BCAS3: variants seen among roughly 807,000 people sequenced by gnomAD.
The protein encoded by BCAS3 is BCAS3 microtubule associated cell migration factor.
In BCAS3, 53 loss-of-function variants were observed where a neutral mutation model predicts 116.1. The ratio of observed to expected loss-of-function variants is 0.46; its 90% confidence interval spans 0.37 to 0.57. BCAS3 has a LOEUF of 0.57. Among genes scored for constraint, BCAS3 ranks in the 20% least tolerant of loss-of-function variants. The pLI is 0.00. For missense variants in BCAS3, 917 were observed against 1,165.4 expected (o/e 0.79, Z 3.10); for synonymous variants, 391 against 408.2 (o/e 0.96, Z 0.51).
At chr17:60,821,146 C>G (rs997948339) in intron 7 of BCAS3, among the ~76,000 whole-genome samples, 1 of 152,032 alleles carries the variant, frequency 6.6e-6, no homozygotes, top group Non-Finnish European at 1.5e-5. Context: ...GGGGTTTCAC[C>G]ATGTTGGCCA....
rs559947464 is a variant in BCAS3 at position 61,385,666 on chromosome 17, G to A, written c.2594-6311G>A. Among the ~76,000 whole-genome samples the A allele has an allele frequency of 1.4e-3, 213 of 152,226 alleles. 1 individual carries two copies. The highest frequency in any genetic ancestry group is 2.3e-3 in the Non-Finnish European group (154 of 68,038). ...GCAGCTCGGCTGGCTGCTGTGTGCC[G>A]CGAAGCCATCCGCTCCCCTGGGCCA... On this transcript the variant is annotated intron_variant, in intron 23 of 23. Transcript: ENST00000407086.
At chr17:61,247,456 G>C (rs1161836025) in intron 22 of BCAS3, among the ~76,000 whole-genome samples, 3 of 152,040 alleles carry the variant, frequency 2.0e-5, no homozygotes, top group African/African-American at 7.2e-5. Flanking sequence ...TGGATTCATT[G>C]GGCTTCTGAA....
intron 22 of BCAS3, among the ~76,000 whole-genome samples, chr17:61,246,294 A>C (rs916611323): frequency 4.6e-5 from 7 of 151,896 alleles, no homozygotes; most frequent in African/African-American, 1.7e-4. Flanking sequence ...CAGCCTGGGC[A>C]ACATGACGAA....
In BCAS3 at chr17:60,964,596, A is replaced by C. The variant is rs1467958542; in HGVS notation, c.1221+17244A>C. ...GTCCTCCTCTTCAATTTTTTTGAAG[A>C]GTTTGAGTACAATTGGTATTAATTC... is the stretch of plus-strand genomic sequence containing the variant. On this transcript the variant is annotated intron_variant, in intron 14 of 23. Coordinates refer to ENST00000407086, the MANE Select transcript of BCAS3 (RefSeq NM_017679.5). The surrounding 1 kb of genome is among the most constrained non-coding windows in gnomAD (Gnocchi z 4.6). 6.6e-6 allele frequency among the ~76,000 whole-genome samples: 1 copy of C among 152,132 alleles called. No individual in the cohort carries two copies. Among genetic ancestry groups the C allele is most frequent in the Non-Finnish European group, 1.5e-5 (1 of 68,012 alleles).
At chr17:60,799,736 A>G (rs1378804258) in intron 6 of BCAS3, among the ~76,000 whole-genome samples, 31 of 23,306 alleles carry the variant, frequency 1.3e-3, no homozygotes, top group African/African-American at 8.9e-3. Context: ...TTTTTTTTTT[A>G]GTAGAACTGG....
chr17:60,817,712 T>C (rs985380401), intron 7 of BCAS3, among the ~76,000 whole-genome samples: 2 of 152,220 alleles, frequency 1.3e-5, no homozygotes, highest in Admixed American at 1.3e-4. Flanking sequence ...TATCGCTCGT[T>C]ATATAGGCTT....
intron 6 of BCAS3, among the ~76,000 whole-genome samples, chr17:60,792,790 A>T (rs557448208): frequency 1.3e-5 from 2 of 152,172 alleles, no homozygotes; most frequent in Non-Finnish European, 2.9e-5. Context: ...CAGATGCTCA[A>T]TATTGAACTT....
intron 22 of BCAS3, among the ~76,000 whole-genome samples, chr17:61,273,918 T>TC (rs1190641862): frequency 6.8e-6 from 1 of 147,442 alleles, no homozygotes; most frequent in African/African-American, 2.6e-5. Context: ...TCATTCTTTT[T>TC]TTTTTCCCCC....
intron 7 of BCAS3, among the ~76,000 whole-genome samples, chr17:60,845,067 TA>T (rs1377170817): frequency 1.3e-5 from 2 of 152,042 alleles, no homozygotes; most frequent in East Asian, 3.9e-4. Context: ...CCTTCTCTAC[TA>T]AAAATACAAA....
In BCAS3 at chr17:61,364,159, A is replaced by G. The variant is rs140643581; in HGVS notation, c.2426-4168A>G. 1.3e-5 allele frequency among the ~76,000 whole-genome samples: 2 copies of G among 152,338 alleles called. No individual in the cohort carries two copies. The highest frequency in any genetic ancestry group is 2.4e-5 in the African/African-American group (1 of 41,578). On this transcript the variant is annotated intron_variant, in intron 22 of 23. Transcript: ENST00000407086. This position sits in a 1 kb window ranked among gnomAD's most constrained non-coding sequence, Gnocchi z 5.4. The stretch of plus-strand genomic sequence containing the variant: ...ACGTCTCAGGACGGTAGAAATGATC[A>G]GGTGCTTCTTTGCTGAACACTTCTG...
At position 61,343,777 on chromosome 17, in the gene BCAS3, A is replaced by G. The variant is rs968420423; in HGVS notation, c.2426-24550A>G. On this transcript the variant is annotated intron_variant, in intron 22 of 23. Transcript: ENST00000407086. This position sits in a 1 kb window ranked among gnomAD's most constrained non-coding sequence, Gnocchi z 5.5. ...TCAAAAGCAGCTTAATTCCTCTAAA[A>G]ACAGTGCCCGTTGGGCATTTTGCCT... Among the ~76,000 whole-genome samples the G allele has an allele frequency of 1.3e-5, 2 of 152,208 alleles. No homozygotes were observed. The highest frequency in any genetic ancestry group is 4.8e-5 in the African/African-American group (2 of 41,464).
intron 9 of BCAS3, among the ~76,000 whole-genome samples, chr17:60,887,694 G>T (rs1410572122): frequency 6.6e-6 from 1 of 152,034 alleles, no homozygotes; most frequent in South Asian, 2.1e-4. Flanking sequence ...TAAAAAAAGG[G>T]CTCAGACTTT....
chr17:61,168,595 G>A (rs117497461), intron 22 of BCAS3, among the ~76,000 whole-genome samples: 12 of 152,248 alleles, frequency 7.9e-5, no homozygotes, highest in Non-Finnish European at 1.6e-4. Context: ...AGGCTTAATG[G>A]TAGATCAAAA....
chr17:61,163,900 C>T (rs540807980), intron 22 of BCAS3, among the ~76,000 whole-genome samples: 148 of 150,576 alleles, frequency 9.8e-4, no homozygotes, highest in African/African-American at 3.2e-3. Flanking sequence ...CCAGGAGAAT[C>T]GCTTGTTTCT....
chr17:60,888,534 T>C (rs2056901988), intron 9 of BCAS3, among the ~76,000 whole-genome samples: 1 of 152,184 alleles, frequency 6.6e-6, no homozygotes, highest in South Asian at 2.1e-4. Flanking sequence ...AAGATTAATC[T>C]ATTCAATGGT....
intron 22 of BCAS3, among the ~76,000 whole-genome samples, chr17:61,252,389 C>G (rs149341946): frequency 2.6e-4 from 40 of 152,162 alleles, no homozygotes; most frequent in African/African-American, 7.7e-4. Flanking sequence ...CTTGTTCAGC[C>G]CCCCCAGTTC....
intron 6 of BCAS3, among the ~76,000 whole-genome samples, chr17:60,802,008 T>C (rs2047828853): frequency 6.6e-6 from 1 of 152,074 alleles, no homozygotes; most frequent in African/African-American, 2.4e-5. Flanking sequence ...TAAATTTGCC[T>C]CTGATTCTTG....
In BCAS3 at chr17:61,265,825, T is replaced by G. The variant is rs988746232; in HGVS notation, c.2426-102502T>G. On this transcript the variant is annotated intron_variant, in intron 22 of 23. Transcript: ENST00000407086. This position sits in a 1 kb window ranked among gnomAD's most constrained non-coding sequence, Gnocchi z 4.3. The stretch of plus-strand genomic sequence containing the variant: ...AAAAAAAAAATCTTTGACTCCACCA[T>G]TTTTATAATAAACACTTGCAAACTC... Among the ~76,000 whole-genome samples the G allele has an allele frequency of 1.3e-5, 2 of 152,210 alleles. No individual in the cohort carries two copies. The highest frequency in any genetic ancestry group is 2.9e-5 in the Non-Finnish European group (2 of 68,048).
intron 23 of BCAS3, among the ~76,000 whole-genome samples, chr17:61,373,808 G>GTT (rs1169897447): frequency 8.9e-5 from 9 of 101,236 alleles, no homozygotes; most frequent in African/African-American, 2.7e-4. Flanking sequence ...CTTCTTCTTT[G>GTT]TTTTTTTTTT....
Sources: gnomAD v4.1 joint callset for allele counts (sites outside exome capture counted in the v4.1 genomes callset) on GRCh38, gnomAD v4.1.1 for gene constraint, Gnocchi (gnomAD v3.1) non-coding constraint, MANE v1.5 for transcripts, NCBI Gene and HGNC (gene_info 2026-07-23, HGNC 2026-07-21) for gene names.